SIPA1L2: variants seen among roughly 807,000 people sequenced by gnomAD.
SIPA1L2 encodes signal induced proliferation associated 1 like 2, also known as signal-induced proliferation-associated 1-like protein 2.
Under a neutral mutation model 163.9 loss-of-function variants are expected in SIPA1L2, and 56 were observed. The observed-to-expected ratio is 0.34, with a 90% confidence interval of 0.28 to 0.43. SIPA1L2 has a LOEUF of 0.43. Ranked by LOEUF, SIPA1L2 falls within the 20% of genes least tolerant of loss-of-function variation. SIPA1L2 has a pLI of 1.00. For missense variants in SIPA1L2, 1,974 were observed against 2,193.5 expected, an observed-to-expected ratio of 0.90 and a Z score of 2.00; for synonymous variants, 877 against 865.7, an observed-to-expected ratio of 1.01 and a Z score of -0.23.
At position 232,465,032 on chromosome 1, in the gene SIPA1L2, G is replaced by C. The variant is rs775489425; in HGVS notation, c.2628C>G (p.Ile876Met). ...CAATCAACATGATGAACTCATTGGAGATCCCGAGAAGACATTCAATGTCAG... is the reference window on the plus strand; with the variant it reads ...CAATCAACATGATGAACTCATTGGACATCCCGAGAAGACATTCAATGTCAG... ...QSADIECLLG[I>M]SNEFIMLIEK... The change falls in exon 9 of 23, where the codon ATC (isoleucine) becomes ATG (methionine). Residue 876 changes from isoleucine (I) to methionine (M), a missense_variant. Around this residue, in one of 3 missense-constraint regions of SIPA1L2, gnomAD observed 1,079 missense variants for 1,150.7 expected, o/e 0.94. Transcript: ENST00000674635. This position sits in a 1 kb window ranked among gnomAD's most constrained non-coding sequence, Gnocchi z 4.1. 2 of 1,614,178 alleles carry C rather than the reference G, an allele frequency of 1.2e-6. No homozygotes were observed. The highest frequency in any genetic ancestry group is 1.7e-6 in the Non-Finnish European group (2 of 1,180,026).
chr1:232,537,847 C>T (rs1001992136), intron 2 of SIPA1L2, among the ~76,000 whole-genome samples: 1 of 152,222 alleles, frequency 6.6e-6, no homozygotes, highest in Non-Finnish European at 1.5e-5. Flanking sequence ...ATGTGTTCCA[C>T]AGTTATTATT....
chr1:232,579,290 T>A (rs993030279), intron 1 of SIPA1L2, among the ~76,000 whole-genome samples: 18 of 110,534 alleles, frequency 1.6e-4, no homozygotes, highest in Non-Finnish European at 3.5e-4. Context: ...AAAGCCAGCA[T>A]CAAAAAAAAA....
At chr1:232,629,100 C>G (rs1180513264) in intron 1 of SIPA1L2, among the ~76,000 whole-genome samples, 1 of 152,190 alleles carries the variant, frequency 6.6e-6, no homozygotes, top group Admixed American at 6.5e-5. Context: ...ATTAATTTAA[C>G]TCAAGCAGGT....
chr1:232,492,385 G>A (rs1665976227), intron 4 of SIPA1L2, among the ~76,000 whole-genome samples: 1 of 152,064 alleles, frequency 6.6e-6, no homozygotes, highest in Admixed American at 6.5e-5. Context: ...GCCCAGGCTG[G>A]AGTGCAGGGC....
chr1:232,462,620 T>C (rs551408561), intron 9 of SIPA1L2, among the ~76,000 whole-genome samples: 21 of 152,254 alleles, frequency 1.4e-4, no homozygotes, highest in Admixed American at 3.3e-4. Flanking sequence ...TGAACTGAAG[T>C]AACTAAAACT....
chr1:232,479,206 A>C (rs1349284566), intron 7 of SIPA1L2, among the ~76,000 whole-genome samples: 5 of 152,304 alleles, frequency 3.3e-5, no homozygotes, highest in Admixed American at 2.6e-4. Context: ...CAATAAATCC[A>C]TTTAAAACAA....
At chr1:232,406,245 C>G (rs935600363) in intron 19 of SIPA1L2, among the ~76,000 whole-genome samples, 9 of 152,120 alleles carry the variant, frequency 5.9e-5, no homozygotes, top group Non-Finnish European at 8.8e-5. Context: ...TCAGAAAAGA[C>G]AGGCACAAGA....
chr1:232,519,968 T>C (rs1347311783), intron 2 of SIPA1L2, among the ~76,000 whole-genome samples: 1 of 152,240 alleles, frequency 6.6e-6, no homozygotes, highest in Non-Finnish European at 1.5e-5. Flanking sequence ...TTTATAAAGA[T>C]GACAGACTAA....
At chr1:232,558,419 A>G (rs942267150) in intron 2 of SIPA1L2, among the ~76,000 whole-genome samples, 1 of 152,158 alleles carries the variant, frequency 6.6e-6, no homozygotes, top group African/African-American at 2.4e-5. Flanking sequence ...ACCCCCGGCC[A>G]CGGTTCTGAT....
At chr1:232,543,862 T>C (rs1657845937) in intron 2 of SIPA1L2, among the ~76,000 whole-genome samples, 1 of 152,114 alleles carries the variant, frequency 6.6e-6, no homozygotes, top group African/African-American at 2.4e-5. Context: ...AGCTCCACTC[T>C]ATCTCAAAAA....
At chr1:232,410,350 ATT>A (rs950768753) in intron 19 of SIPA1L2, among the ~76,000 whole-genome samples, 2 of 152,134 alleles carry the variant, frequency 1.3e-5, no homozygotes, top group Non-Finnish European at 2.9e-5. Flanking sequence ...TAACTTTTTA[ATT>A]AAAGTTTTTC....
intron 2 of SIPA1L2, among the ~76,000 whole-genome samples, chr1:232,559,378 T>A (rs566311575): frequency 9.9e-5 from 15 of 152,234 alleles, no homozygotes; most frequent in Non-Finnish European, 2.2e-4. Flanking sequence ...TAGAGTGCTT[T>A]AGACTCTGCA....
At chr1:232,552,147 G>GT (rs1658430913) in intron 2 of SIPA1L2, among the ~76,000 whole-genome samples, 1 of 152,158 alleles carries the variant, frequency 6.6e-6, no homozygotes. Context: ...GCTGAGAATA[G>GT]TAAGTTTTTA....
At chr1:232,572,393 G>T (rs376243352) in intron 2 of SIPA1L2, among the ~76,000 whole-genome samples, 77 of 152,100 alleles carry the variant, frequency 5.1e-4, no homozygotes, top group African/African-American at 6.3e-4. Flanking sequence ...TTTTACTTCC[G>T]CATCAGAATT....
chr1:232,444,766 C>T (rs147690795), intron 11 of SIPA1L2, among the ~76,000 whole-genome samples: 1 of 152,276 alleles, frequency 6.6e-6, no homozygotes, highest in East Asian at 1.9e-4. Context: ...CCTATGGTTA[C>T]AGTACATCAA....
At chr1:232,618,653 C>CA (rs56213704) in intron 1 of SIPA1L2, among the ~76,000 whole-genome samples, 1,418 of 119,942 alleles carry the variant, frequency 0.012, 22 homozygotes, top group African/African-American at 0.037. Context: ...GACTCCATCT[C>CA]AAAAAAAAAA....
intron 16 of SIPA1L2, among the ~76,000 whole-genome samples, chr1:232,430,617 C>G (rs1662173531): frequency 6.6e-6 from 1 of 152,182 alleles, no homozygotes; most frequent in African/African-American, 2.4e-5. Context: ...GTATGACTGC[C>G]TTGCCTTAGA....
At chr1:232,401,339 G>A (rs985521305) in intron 22 of SIPA1L2, among the ~76,000 whole-genome samples, 1 of 152,124 alleles carries the variant, frequency 6.6e-6, no homozygotes, top group Non-Finnish European at 1.5e-5. Flanking sequence ...ACACGACCAG[G>A]AAAACAGGTA....
At chr1:232,623,440 C>A (rs1490722488) in intron 1 of SIPA1L2, among the ~76,000 whole-genome samples, 3 of 151,982 alleles carry the variant, frequency 2.0e-5, no homozygotes, top group Non-Finnish European at 4.4e-5. Context: ...TCCGTCTCTA[C>A]TAAAAATACA....
Sources: gnomAD v4.1 joint callset for allele counts (sites outside exome capture counted in the v4.1 genomes callset) on GRCh38, gnomAD v4.1.1 for gene constraint, gnomAD v4.1.1 regional missense constraint, Gnocchi (gnomAD v3.1) non-coding constraint, MANE v1.5 for transcripts, NCBI Gene and HGNC (gene_info 2026-07-23, HGNC 2026-07-21) for gene names.